Variants in ZNF700 observed in about 807,000 individuals in gnomAD.
ZNF700 encodes the protein zinc finger protein 700.
In ZNF700, 38 loss-of-function variants were observed where a neutral mutation model predicts 65.3. The ratio of observed to expected loss-of-function variants is 0.58; its 90% confidence interval spans 0.45 to 0.76. The LOEUF is 0.76. ZNF700 is among the 30% of genes least tolerant of loss of function. The pLI, the probability that ZNF700 is intolerant of heterozygous loss-of-function variation, is 0.00. For synonymous variants in ZNF700, 285 were observed against 290.4 expected (o/e 0.98, Z 0.19); for missense variants, 857 against 888.4 (o/e 0.96, Z 0.45).
chr19:11,947,621 A>G (rs1286422003), intron 3 of ZNF700, 47 bp downstream of exon 3: 4 of 1,462,010 alleles, frequency 2.7e-6, no homozygotes, highest in Non-Finnish European at 1.9e-6. Flanking sequence ...GCACAATCTT[A>G]GAATATGAGA....
intron 1 of ZNF700, among the ~76,000 whole-genome samples, chr19:11,943,562 G>C (rs1446873688): frequency 6.6e-6 from 1 of 151,976 alleles, no homozygotes; most frequent in African/African-American, 2.4e-5. Context: ...TTATTTCAAA[G>C]ACTGTGATCA....
At position 11,934,837 on chromosome 19, in the gene ZNF700, C is replaced by A. The variant is rs897467521; in HGVS notation, c.63+9564C>A. 1.4e-5 allele frequency among the ~76,000 whole-genome samples: 2 copies of A among 147,502 alleles called. 1 individual carries two copies. Among genetic ancestry groups the A allele is most frequent in the African/African-American group, 5.3e-5 (2 of 37,534 alleles). On this transcript the variant is annotated intron_variant, in intron 1 of 3. Transcript: ENST00000254321. ...CACTGCGCCCGGCCTGTTTTCATTT[C>A]GCTCTTTAATGACACGTGATGTAGA...
In ZNF700 at chr19:11,948,735, T is replaced by G. The variant is rs371255384; in HGVS notation, c.711T>G (p.Tyr237Ter). ...AAGCCTTCCATTCTTTCAGTTTATA[T>G]CTTATCCATGAAAGAACTCACACTG... is the stretch of plus-strand genomic sequence containing the variant. ...CGKAFHSFSL[Y>*]LIHERTHTGE... Residue 237 changes from tyrosine (Y) to a stop codon, truncating the protein, a stop_gained, in exon 4 of 4, where the codon TAT (tyrosine) becomes TAG (stop). Coordinates refer to ENST00000254321, the MANE Select transcript of ZNF700 (RefSeq NM_144566.3). LOFTEE classifies it high-confidence loss of function. The G allele has an allele frequency of 7.6e-5, 122 of 1,612,804 alleles. No individual in the cohort carries two copies. The highest frequency in any genetic ancestry group is 9.2e-5 in the Non-Finnish European group (109 of 1,179,784).
chr19:11,947,708 A>C, intron 3 of ZNF700, 134 bp downstream of exon 3: 1 of 944,534 alleles, frequency 1.1e-6, no homozygotes, highest in East Asian at 2.6e-5. Context: ...TTCTCAAAAA[A>C]CATATATTTA....
At position 11,943,994 on chromosome 19, in the gene ZNF700, C is replaced by T. The variant is rs370379452; in HGVS notation, c.64-3187C>T. ...TTACATGACTGTGGTGGATCCAGGC[C>T]GGGATTCCCTCTACCTTCACGGTGG... On this transcript the variant is annotated intron_variant, in intron 1 of 3. Coordinates refer to ENST00000254321, the MANE Select transcript of ZNF700 (RefSeq NM_144566.3). 2.4e-3 allele frequency among the ~76,000 whole-genome samples: 363 copies of T among 151,996 alleles called. 3 individuals carry two copies. Among genetic ancestry groups the T allele is most frequent in the African/African-American group, 8.1e-3 (335 of 41,444 alleles).
intron 1 of ZNF700, among the ~76,000 whole-genome samples, chr19:11,928,153 A>AT (rs945045125): frequency 1.3e-5 from 2 of 151,906 alleles, no homozygotes; most frequent in African/African-American, 4.8e-5. Flanking sequence ...CACCTGGCTA[A>AT]TTTTTTATTT....
In ZNF700 at chr19:11,949,376, G is replaced by A. The variant is rs766496926; in HGVS notation, c.1352G>A (p.Cys451Tyr). The A allele has an allele frequency of 1.2e-6, 2 of 1,613,934 alleles. No individual in the cohort carries two copies. Among genetic ancestry groups the A allele is most frequent in the Non-Finnish European group, 1.7e-6 (2 of 1,179,958 alleles). The change falls in exon 4 of 4, where the codon TGT becomes TAT. Residue 451 changes from cysteine to tyrosine, a missense_variant. Cys to Tyr is a radical substitution (Grantham distance 194). Around this residue, in one of 3 missense-constraint regions of ZNF700, gnomAD observed 603 missense variants for 619.9 expected, o/e 0.97. Coordinates refer to ENST00000254321, the MANE Select transcript of ZNF700 (RefSeq NM_144566.3). ...GAGAAACCCTATGAATGTAAGGAAT[G>A]TGGGAAAGCCTTCAGATCTACCTCA... Reference protein sequence around the residue: ...TGEKPYECKECGKAFRSTSHL... With the variant: ...TGEKPYECKEYGKAFRSTSHL...
At chr19:11,927,422 TTAAA>T (rs57120234) in intron 1 of ZNF700, among the ~76,000 whole-genome samples, 12,636 of 143,026 alleles carry the variant, frequency 0.088, 934 homozygotes, top group African/African-American at 0.2. Flanking sequence ...CTGTCTCTAT[TTAAA>T]TAAATAAATA....
At position 11,950,437 on chromosome 19, in the gene ZNF700, T is replaced by C; in HGVS notation, c.*184T>C. ...CTTCATTCCTTTTACTTCTTTTCAA[T>C]GTCATGAAAGGACTCACACGGGAGA... On this transcript the variant is annotated 3_prime_UTR_variant, in exon 4 of 4. Coordinates refer to ENST00000254321, the MANE Select transcript of ZNF700 (RefSeq NM_144566.3). 1.4e-6 allele frequency: 1 copy of C among 724,318 alleles called. No individual in the cohort carries two copies. The highest frequency in any genetic ancestry group is 1.7e-5 in the South Asian group (1 of 60,144). The allele number at this position is 724,318 out of a possible 1,614,324, so 44.9% of individuals were successfully genotyped here. A position where few individuals can be genotyped will look rare whatever the true frequency, so the allele number is the denominator to read the frequency against.
At chr19:11,937,329 C>G (rs890072502) in intron 1 of ZNF700, among the ~76,000 whole-genome samples, 2 of 152,014 alleles carry the variant, frequency 1.3e-5, no homozygotes, top group Non-Finnish European at 2.9e-5. Flanking sequence ...TGTTGTATGC[C>G]ACCATGTCTA....
chr19:11,925,405 T>A, intron 1 of ZNF700, 132 bp downstream of exon 1: 3 of 1,406,208 alleles, frequency 2.1e-6, no homozygotes, highest in Admixed American at 4.9e-5. Flanking sequence ...CTTGAGCAGT[T>A]CGGCCCTCGG....
intron 1 of ZNF700, among the ~76,000 whole-genome samples, chr19:11,930,661 T>A (rs549411897): frequency 4.0e-5 from 6 of 148,502 alleles, no homozygotes; most frequent in Middle Eastern, 6.8e-3. Flanking sequence ...ACCACTTGTA[T>A]CATTGGCTGA....
intron 1 of ZNF700, 85 bp downstream of exon 1, chr19:11,925,358 C>A: frequency 6.3e-7 from 1 of 1,577,468 alleles, no homozygotes; most frequent in Admixed American, 1.7e-5. Flanking sequence ...ACCCGGGCCT[C>A]CCTGTGGGCG....
rs572415530 is a variant in ZNF700 at position 11,928,710 on chromosome 19, C to T, written c.63+3437C>T. The stretch of plus-strand genomic sequence containing the variant: ...TCCCGCCACTGCATTCCAGCCTGGG[C>T]GACAGAGCGAGACTCCGTCTCAAAA... On this transcript the variant is annotated intron_variant, in intron 1 of 3. Coordinates refer to ENST00000254321, the MANE Select transcript of ZNF700 (RefSeq NM_144566.3). 3.7e-3 allele frequency among the ~76,000 whole-genome samples: 470 copies of T among 128,480 alleles called. 20 individuals are homozygous for T. Among genetic ancestry groups the T allele is most frequent in the African/African-American group, 0.015 (435 of 29,182 alleles). The allele number at this position is 128,480 out of a possible 152,430, so 84.3% of individuals were successfully genotyped here.
intron 1 of ZNF700, among the ~76,000 whole-genome samples, chr19:11,933,736 T>TA (rs1251127152): frequency 3.4e-5 from 5 of 147,148 alleles, no homozygotes; most frequent in Non-Finnish European, 7.4e-5. Flanking sequence ...TTTATTTATC[T>TA]AAAAAAAATT....
intron 1 of ZNF700, among the ~76,000 whole-genome samples, chr19:11,937,815 T>G (rs1972820863): frequency 6.6e-6 from 1 of 152,062 alleles, no homozygotes; most frequent in Non-Finnish European, 1.5e-5. Context: ...TCCTTGTGCC[T>G]CTCTGTCATC....
intron 1 of ZNF700, among the ~76,000 whole-genome samples, chr19:11,927,706 A>G (rs796682013): frequency 6.6e-6 from 1 of 152,192 alleles, no homozygotes; most frequent in South Asian, 2.1e-4. Flanking sequence ...AACTATAATT[A>G]TCTTGAAAGC....
intron 1 of ZNF700, among the ~76,000 whole-genome samples, chr19:11,933,692 T>A (rs1283037483): frequency 6.8e-6 from 1 of 148,022 alleles, no homozygotes; most frequent in East Asian, 1.9e-4. Flanking sequence ...TCGATACCTT[T>A]GTTGCTTGAC....
Position 11,941,641 on chromosome 19 carries a change from C to T in ZNF700, c.64-5540C>T, listed in dbSNP as rs377284129. Among the ~76,000 whole-genome samples the T allele has an allele frequency of 2.6e-4, 39 of 152,298 alleles. 1 individual carries two copies. The East Asian group carries it at 4.6e-3, about 18-fold the overall frequency. Reference sequence around the variant, plus strand: ...CCCAGAACTCCAGCTGGCCCGCAAGCGCCGCGCGCAGCCCCAGTTCCCGCT... The same window carrying T: ...CCCAGAACTCCAGCTGGCCCGCAAGTGCCGCGCGCAGCCCCAGTTCCCGCT... On this transcript the variant is annotated intron_variant, in intron 1 of 3. Transcript: ENST00000254321.
Sources: allele counts gnomAD v4.1 joint callset (sites outside exome capture counted in the v4.1 genomes callset), GRCh38; gene constraint gnomAD v4.1.1; regional missense constraint gnomAD v4.1.1; transcripts MANE v1.5; gene names NCBI Gene and HGNC (gene_info 2026-07-23, HGNC 2026-07-21).